The following BTD variants were observed in gnomAD, a reference collection of about 807,000 sequenced individuals.
BTD encodes biocytinase.
In BTD, 13 loss-of-function variants were observed where a neutral mutation model predicts 17.7. The observed-to-expected ratio is 0.74, with a 90% CI of 0.48 to 1.17. The LOEUF (loss-of-function observed/expected upper bound fraction) is 1.17. Among genes scored for constraint, BTD ranks in the 50% most tolerant of loss-of-function variants. The probability of loss-of-function intolerance (pLI) is 0.00; values close to 1 mark genes in which losing one functional copy is unlikely to be tolerated. For synonymous variants in BTD, 240 were observed against 245.2 expected (o/e 0.98, Z 0.20); for missense variants, 674 against 650.4 (o/e 1.04, Z -0.39).
chr3:15,718,498 C>T (rs1032340691), intron 4 of BTD, among the ~76,000 whole-genome samples: 1 of 152,166 alleles, frequency 6.6e-6, no homozygotes, highest in Non-Finnish European at 1.5e-5. Flanking sequence ...GACTGATTCT[C>T]AATTCTACAT....
downstream of BTD, among the ~76,000 whole-genome samples, chr3:15,715,291 G>A (rs141106537): frequency 5.7e-4 from 86 of 152,150 alleles, no homozygotes; most frequent in African/African-American, 1.9e-3. Flanking sequence ...TGTTACCAAC[G>A]CAAAGGAAAT....
At chr3:15,705,967 C>A (rs777515217) in intron 3 of BTD, among the ~76,000 whole-genome samples, 1 of 152,066 alleles carries the variant, frequency 6.6e-6, no homozygotes, top group Non-Finnish European at 1.5e-5. Flanking sequence ...CAGCACTGCA[C>A]TCCACCCTGG....
At chr3:15,602,021 C>A in intron 1 of BTD, 127 bp downstream of exon 1, 3 of 1,503,422 alleles carry the variant, frequency 2.0e-6, no homozygotes, top group East Asian at 2.4e-5. Context: ...GGAAGCCCGG[C>A]GCGCGTCGTT....
At chr3:15,623,532 G>GTGATTTTGTCACA (rs2065000613) in intron 1 of BTD, among the ~76,000 whole-genome samples, 1 of 152,096 alleles carries the variant, frequency 6.6e-6, no homozygotes, top group South Asian at 2.1e-4. Context: ...AACATTTTAT[G>GTGATTTTGTCACA]TGATTTTGTC....
chr3:15,642,326 AAAG>A, intron 3 of BTD: 1 of 1,330,278 alleles, frequency 7.5e-7, no homozygotes, highest in Non-Finnish European at 9.9e-7. Context: ...AAAAGTAAAA[AAAG>A]AAAAGTTCAT....
intron 1 of BTD, among the ~76,000 whole-genome samples, chr3:15,618,651 G>A (rs930978774): frequency 3.3e-5 from 5 of 151,742 alleles, no homozygotes; most frequent in African/African-American, 9.7e-5. Context: ...TCAGCCTCCC[G>A]AGTAGCTGGG....
At position 15,648,969 on chromosome 3, in the gene BTD, C is replaced by T. The variant is rs1030618298; in HGVS notation, c.*3481C>T. ...TTAGAAGAGGCAAGAAACAACTCCC[C>T]ACACACAACCCACCCCTGCAGGTTT... On this transcript the variant is annotated 3_prime_UTR_variant, in exon 4 of 4. Coordinates refer to ENST00000643237, the MANE Select transcript of BTD (RefSeq NM_001370658.1). Among the ~76,000 whole-genome samples the T allele has an allele frequency of 8.5e-5, 13 of 152,332 alleles. No individual in the cohort carries two copies. Among genetic ancestry groups the T allele is most frequent in the African/African-American group, 3.1e-4 (13 of 41,576 alleles).
At chr3:15,601,454 T>C (rs770440860), upstream of BTD, 6 of 1,613,278 alleles carry the variant, frequency 3.7e-6, no homozygotes, top group Admixed American at 8.3e-5. Flanking sequence ...GCGAAGTTAC[T>C]GTCCGGCATC....
intron 3 of BTD, among the ~76,000 whole-genome samples, chr3:15,703,747 G>C (rs1215497383): frequency 6.6e-6 from 1 of 152,210 alleles, no homozygotes; most frequent in Non-Finnish European, 1.5e-5. Context: ...CTAAAATGTG[G>C]AAGAGGTTTT....
intron 3 of BTD, among the ~76,000 whole-genome samples, chr3:15,675,696 T>A (rs1479134081): frequency 1.3e-5 from 2 of 152,262 alleles, no homozygotes; most frequent in Admixed American, 1.3e-4. Flanking sequence ...CTGTAACAGA[T>A]GATATAGGAA....
chr3:15,609,423 CAG>C (rs1388550372), intron 1 of BTD, among the ~76,000 whole-genome samples: 1 of 152,122 alleles, frequency 6.6e-6, no homozygotes, highest in Non-Finnish European at 1.5e-5. Flanking sequence ...TTTTTGGAAA[CAG>C]TGTGCTCTGA....
At chr3:15,642,628 T>G (rs145776053) in intron 3 of BTD, among the ~76,000 whole-genome samples, 3,979 of 151,756 alleles carry the variant, frequency 0.026, 178 homozygotes, top group African/African-American at 0.088. Flanking sequence ...CTAATTTTTT[T>G]TGTGTGTGTA....
chr3:15,657,906 C>A (rs2065887013), downstream of BTD, among the ~76,000 whole-genome samples: 1 of 151,638 alleles, frequency 6.6e-6, no homozygotes, highest in African/African-American at 2.4e-5. Context: ...GGTGGCTCAC[C>A]CCTGTAATCC....
At chr3:15,624,645 G>A (rs1177668145) in intron 1 of BTD, among the ~76,000 whole-genome samples, 1 of 150,040 alleles carries the variant, frequency 6.7e-6, no homozygotes, top group Non-Finnish European at 1.5e-5. Context: ...TTTCAGTAGA[G>A]CCTGTGGCAT....
intron 3 of BTD, among the ~76,000 whole-genome samples, chr3:15,702,876 A>T (rs1218823683): frequency 6.8e-6 from 1 of 147,454 alleles, no homozygotes; most frequent in African/African-American, 2.5e-5. Flanking sequence ...ACTAACCTTT[A>T]TAGGAAGATT....
At chr3:15,710,589 C>T (rs1208894661) in exon 4 of BTD, among the ~76,000 whole-genome samples, 2 of 152,128 alleles carry the variant, frequency 1.3e-5, no homozygotes, top group Non-Finnish European at 2.9e-5. Flanking sequence ...AACGTTTTTG[C>T]AAAATGTCCT....
At chr3:15,615,332 A>C (rs2064761775) in intron 1 of BTD, among the ~76,000 whole-genome samples, 1 of 152,214 alleles carries the variant, frequency 6.6e-6, no homozygotes, top group Non-Finnish European at 1.5e-5. Context: ...CTCAGAGCCC[A>C]AGATGAGATG....
At chr3:15,661,865 A>G (rs2125541914) in intron 3 of BTD, among the ~76,000 whole-genome samples, 1 of 152,302 alleles carries the variant, frequency 6.6e-6, no homozygotes, top group East Asian at 1.9e-4. Flanking sequence ...TTATTCCAGC[A>G]CCATTTGTTG....
exon 4 of BTD, chr3:15,711,132 T>TA (rs2126060402): frequency 7.9e-7 from 1 of 1,265,314 alleles, no homozygotes; most frequent in Non-Finnish European, 1.1e-6. Flanking sequence ...CCAGAATTAA[T>TA]AAAAAAGAAC....
Sources: gnomAD v4.1 joint callset for allele counts (sites outside exome capture counted in the v4.1 genomes callset) on GRCh38, gnomAD v4.1.1 for gene constraint, MANE v1.5 for transcripts, NCBI Gene and HGNC (gene_info 2026-07-23, HGNC 2026-07-21) for gene names.